MGLL: variants seen among roughly 807,000 people sequenced by gnomAD.
MGLL encodes lysophospholipase homolog.
A neutral mutation model predicts 29.1 loss-of-function variants in MGLL; 7 were observed. The observed-to-expected ratio is 0.24, with a 90% CI of 0.14 to 0.45. The LOEUF (loss-of-function observed/expected upper bound fraction) is 0.45, where lower values mean the gene tolerates loss of function less well. Ranked by LOEUF, MGLL falls within the 20% of genes least tolerant of loss-of-function variation. The pLI, the probability that MGLL is intolerant of heterozygous loss-of-function variation, is 0.99. For synonymous variants in MGLL, 148 were observed against 168.3 expected, an observed-to-expected ratio of 0.88 and a Z score of 0.93; for missense variants, 356 against 413.6, an observed-to-expected ratio of 0.86 and a Z score of 1.21.
chr3:127,779,849 C>T (rs954173571), intron 3 of MGLL, among the ~76,000 whole-genome samples: 2 of 152,210 alleles, frequency 1.3e-5, no homozygotes, highest in African/African-American at 2.4e-5. Flanking sequence ...GTACCTGCAT[C>T]GCCAGCCTGC....
In MGLL at chr3:127,694,375, A is replaced by G. The variant is rs569577821; in HGVS notation, c.816+600T>C. 3.4e-5 allele frequency among the ~76,000 whole-genome samples: 4 copies of G among 116,448 alleles called. No homozygotes were observed. The South Asian group carries it at 8.7e-4, about 25-fold the overall frequency. The allele number at this position is 116,448 out of a possible 152,430, so 76.4% of individuals were successfully genotyped here. ...TATATATGTGTATATATATGTATGT[A>G]TATATATGTGTGTATATATATGTAT... On this transcript the variant is annotated intron_variant, in intron 7 of 7. Transcript: ENST00000265052.
chr3:127,716,313 G>A lies in MGLL; in HGVS notation c.510+4740C>T, dbSNP rs189696156. On this transcript the variant is annotated intron_variant, in intron 5 of 7. Coordinates refer to ENST00000265052, the MANE Select transcript of MGLL (RefSeq NM_007283.7). ...AGACAGGGATAATTAAACTAACTCC[G>A]AAGGGATGCTGGGAGAGCTGCATGA... Among the ~76,000 whole-genome samples, 132 of 152,350 alleles carry A rather than the reference G, an allele frequency of 8.7e-4. 2 individuals carry two copies. The highest frequency in any genetic ancestry group is 3.0e-3 in the African/African-American group (124 of 41,572).
chr3:127,807,283 AC>A (rs2077582930), intron 2 of MGLL, among the ~76,000 whole-genome samples: 1 of 152,036 alleles, frequency 6.6e-6, no homozygotes, highest in Admixed American at 6.6e-5. Context: ...TTTCTTTATA[AC>A]CCTTTTTATT....
chr3:127,819,671 A>G (rs1375614590), intron 2 of MGLL, among the ~76,000 whole-genome samples: 1 of 152,170 alleles, frequency 6.6e-6, no homozygotes, highest in Middle Eastern at 3.2e-3. Context: ...CCCTCTTCCT[A>G]AAAGCAGAGT....
At position 127,694,284 on chromosome 3, in the gene MGLL, A is replaced by ATATAT. The variant is rs1181255759; in HGVS notation, c.816+690_816+691insATATA. 1.1e-3 allele frequency among the ~76,000 whole-genome samples: 115 copies of ATATAT among 105,980 alleles called. No individual in the cohort carries two copies. The East Asian group carries it at 0.013, about 12-fold the overall frequency. 69.5% of individuals were successfully genotyped at this position (105,980 alleles called of 152,430 possible). A position where few individuals can be genotyped will look rare whatever the true frequency, so the allele number is the denominator to read the frequency against. On this transcript the variant is annotated intron_variant, in intron 7 of 7. Transcript: ENST00000265052. The stretch of plus-strand genomic sequence containing the variant: ...TACTCTGTCTGAAAAAAAAAAAAAA[A>ATATAT]AAATATATATATATATATATATATG...
intron 3 of MGLL, among the ~76,000 whole-genome samples, chr3:127,723,946 A>C (rs984119366): frequency 1.3e-5 from 2 of 152,216 alleles, no homozygotes; most frequent in African/African-American, 4.8e-5. Flanking sequence ...GCCCTAATCC[A>C]AATGACTGGT....
In MGLL at chr3:127,710,597, C is replaced by A; in HGVS notation, c.579G>T (p.Val193=). The change falls in exon 6 of 8, where the codon GTG becomes GTT. Residue 193 remains valine (V), a synonymous_variant. Transcript: ENST00000265052. ...NLSLGPIDSS[V]LSRNKTEVDI... ...TCACCTCTGTCTTATTCCGAGAGAG[C>A]ACGCTGGAGTCGATGGGCCCGAGGG... 1 of 1,566,910 alleles carries A rather than the reference C, an allele frequency of 6.4e-7. No homozygotes were observed. Among genetic ancestry groups the A allele is most frequent in the Non-Finnish European group, 8.7e-7 (1 of 1,154,694 alleles).
At chr3:127,733,889 G>A (rs568598508) in intron 3 of MGLL, among the ~76,000 whole-genome samples, 28 of 152,340 alleles carry the variant, frequency 1.8e-4, no homozygotes, top group African/African-American at 6.0e-4. Flanking sequence ...ACCTGGGTGG[G>A]TGTGCTGACG....
intron 2 of MGLL, among the ~76,000 whole-genome samples, chr3:127,799,838 T>A (rs1323658234): frequency 6.6e-6 from 1 of 152,212 alleles, no homozygotes; most frequent in Non-Finnish European, 1.5e-5. Context: ...TAGCCCAGTC[T>A]TAATATTCAC....
At chr3:127,704,398 AGCTTCTGCACAGAAAGG>A (rs1252549528) in intron 6 of MGLL, among the ~76,000 whole-genome samples, 21 of 152,328 alleles carry the variant, frequency 1.4e-4, no homozygotes, top group Admixed American at 8.5e-4. Flanking sequence ...TAAACTAAAG[AGCTTCTGCACAGAAAGG>A]GCTTCTGCAC....
intron 5 of MGLL, among the ~76,000 whole-genome samples, chr3:127,718,743 G>A (rs2075862990): frequency 6.6e-6 from 1 of 152,192 alleles, no homozygotes. Flanking sequence ...GGTACCATGG[G>A]TTGCTGCCCA....
chr3:127,802,629 C>G (rs76530220), intron 2 of MGLL, among the ~76,000 whole-genome samples: 3,458 of 152,244 alleles, frequency 0.023, 131 homozygotes, highest in African/African-American at 0.079. Flanking sequence ...TATTTTTAAT[C>G]GAAAAGCAGT....
chr3:127,785,168 C>T (rs1405850313), intron 2 of MGLL, among the ~76,000 whole-genome samples: 1 of 152,114 alleles, frequency 6.6e-6, no homozygotes, highest in Admixed American at 6.5e-5. Context: ...TGTGAGCACA[C>T]CCCTCCTCCT....
At chr3:127,735,039 C>T (rs551385055) in intron 3 of MGLL, among the ~76,000 whole-genome samples, 4 of 152,330 alleles carry the variant, frequency 2.6e-5, no homozygotes, top group Admixed American at 6.5e-5. Flanking sequence ...CGGAGGAGCC[C>T]GACGTGGGAG....
intron 2 of MGLL, among the ~76,000 whole-genome samples, chr3:127,785,589 C>T (rs1022883346): frequency 6.6e-6 from 1 of 152,256 alleles, no homozygotes; most frequent in Non-Finnish European, 1.5e-5. Flanking sequence ...CCAGAACAAC[C>T]TGGTTGGATT....
Position 127,781,786 on chromosome 3 carries a change from C to G in MGLL, c.262+3G>C. Reference sequence around the variant, plus strand: ...AGCTCTGACGGCACCCTGGGACACTCACCATGGTCGTGGGCGAACACCAGC... The same window carrying G: ...AGCTCTGACGGCACCCTGGGACACTGACCATGGTCGTGGGCGAACACCAGC... On this transcript the variant is annotated splice_donor_region_variant and intron_variant, in intron 3 of 7. Coordinates refer to ENST00000265052, the MANE Select transcript of MGLL (RefSeq NM_007283.7). 3 of 1,614,074 alleles carry G rather than the reference C, an allele frequency of 1.9e-6. No individual in the cohort carries two copies. Among genetic ancestry groups the G allele is most frequent in the South Asian group, 1.1e-5 (1 of 91,082 alleles).
At chr3:127,764,021 A>C (rs888338080) in intron 3 of MGLL, among the ~76,000 whole-genome samples, 1 of 152,160 alleles carries the variant, frequency 6.6e-6, no homozygotes, top group African/African-American at 2.4e-5. Context: ...AGCTTCTCGG[A>C]GCTTGCATGC....
intron 2 of MGLL, 132 bp downstream of exon 2, chr3:127,821,562 A>C: frequency 1.1e-6 from 1 of 947,716 alleles, no homozygotes; most frequent in South Asian, 1.4e-5. Flanking sequence ...TGCTCAGCCT[A>C]ACATTAAAAC....
intron 2 of MGLL, among the ~76,000 whole-genome samples, chr3:127,784,689 C>T (rs894686129): frequency 2.0e-5 from 3 of 152,160 alleles, no homozygotes; most frequent in Non-Finnish European, 2.9e-5. Flanking sequence ...GACACCTGGA[C>T]TCATTCTGAT....
Sources: allele counts gnomAD v4.1 joint callset (sites outside exome capture counted in the v4.1 genomes callset), GRCh38; gene constraint gnomAD v4.1.1; transcripts MANE v1.5; gene names NCBI Gene and HGNC (gene_info 2026-07-23, HGNC 2026-07-21).